Variants in PTP4A3 observed in about 807,000 individuals in gnomAD.
PTP4A3 encodes protein tyrosine phosphatase 4A3.
In PTP4A3, 9 loss-of-function variants were observed where a neutral mutation model predicts 15.2. That is an observed-to-expected ratio of 0.59 (90% CI 0.36 to 1.03). The LOEUF is 1.03. PTP4A3 is among the 50% of genes least tolerant of loss of function. The pLI, the probability that PTP4A3 is intolerant of heterozygous loss-of-function variation, is 0.02. For synonymous variants in PTP4A3, 95 were observed against 102.0 expected (o/e 0.93, Z 0.41); for missense variants, 234 against 252.1 (o/e 0.93, Z 0.49).
chr8:141,403,806 G>T (rs867182948), intron 1 of PTP4A3, among the ~76,000 whole-genome samples: 1 of 152,256 alleles, frequency 6.6e-6, no homozygotes, highest in Non-Finnish European at 1.5e-5. Context: ...CTGCCACCAC[G>T]CACTTCAAAA....
At chr8:141,430,660 T>TG (rs1563743566) in intron 5 of PTP4A3, among the ~76,000 whole-genome samples, 1 of 152,070 alleles carries the variant, frequency 6.6e-6, no homozygotes, top group African/African-American at 2.4e-5. Context: ...TAGGGAAGCC[T>TG]GGGGGCCGTA....
At chr8:141,428,550 C>T (rs1322312785) in intron 5 of PTP4A3, among the ~76,000 whole-genome samples, 1 of 152,228 alleles carries the variant, frequency 6.6e-6, no homozygotes, top group East Asian at 1.9e-4. Context: ...GGGGCCATCT[C>T]TTCCTCCCAG....
At chr8:141,405,641 T>C (rs753077031) in intron 1 of PTP4A3, among the ~76,000 whole-genome samples, 2 of 152,172 alleles carry the variant, frequency 1.3e-5, no homozygotes, top group African/African-American at 4.8e-5. Flanking sequence ...ACGGTGCCCA[T>C]TGAGAACCAG....
At position 141,410,561 on chromosome 8, in the gene PTP4A3, G is replaced by A. The variant is rs183488895; in HGVS notation, c.-853-10827G>A. On this transcript the variant is annotated intron_variant, in intron 1 of 5. Transcript: ENST00000521578. ...GTGCCAGTGTTCCAGGGACTCAAGC[G>A]AGGCCTCTTGGAAAGGGTAATAATG... is the stretch of plus-strand genomic sequence containing the variant. Among the ~76,000 whole-genome samples, 41 of 152,352 alleles carry A rather than the reference G, an allele frequency of 2.7e-4. No individual in the cohort carries two copies. In the East Asian group the frequency reaches 6.2e-3, roughly 23 times the overall value.
chr8:141,412,046 C>T (rs1398764921), intron 1 of PTP4A3, among the ~76,000 whole-genome samples: 1 of 151,746 alleles, frequency 6.6e-6, no homozygotes, highest in Non-Finnish European at 1.5e-5. Context: ...CCACGCGAGG[C>T]CACTACACAG....
intron 1 of PTP4A3, among the ~76,000 whole-genome samples, chr8:141,402,904 C>T (rs181219415): frequency 3.9e-5 from 6 of 152,116 alleles, no homozygotes; most frequent in African/African-American, 2.4e-5. Flanking sequence ...CAGGTGCCTG[C>T]GGGCAGCCCG....
In PTP4A3 at chr8:141,431,226, C is replaced by T. The variant is rs1159722971; in HGVS notation, c.*182C>T. The T allele has an allele frequency of 4.9e-6, 3 of 612,214 alleles. No homozygotes were observed. Among genetic ancestry groups the T allele is most frequent in the East Asian group, 5.6e-5 (2 of 35,980 alleles). The allele number at this position is 612,214 out of a possible 1,614,324, so 37.9% of individuals were successfully genotyped here. A position where few individuals can be genotyped will look rare whatever the true frequency, so the allele number is the denominator to read the frequency against. On this transcript the variant is annotated 3_prime_UTR_variant, in exon 6 of 6. Coordinates refer to ENST00000521578, the MANE Select transcript of PTP4A3 (RefSeq NM_032611.3). ...TCCGAGGAGCGAGGAGCCCCTCGGG[C>T]CCTGGGTGGCCTCTGGGCCCTTTCT...
Position 141,427,494 on chromosome 8 carries a change from G to A in PTP4A3, c.330-256G>A, listed in dbSNP as rs572689996. 7.9e-5 allele frequency among the ~76,000 whole-genome samples: 12 copies of A among 152,282 alleles called. No homozygotes were observed. The East Asian group carries it at 1.7e-3, about 22-fold the overall frequency. ...CAGAGTTGATAGCAGGCATGGATCCGGCTCTTAGCACTTCACCCGCCAGCT... is the reference window on the plus strand; with the variant it reads ...CAGAGTTGATAGCAGGCATGGATCCAGCTCTTAGCACTTCACCCGCCAGCT... On this transcript the variant is annotated intron_variant, in intron 4 of 5. Transcript: ENST00000521578.
chr8:141,423,573 A>T (rs754289884), intron 2 of PTP4A3, among the ~76,000 whole-genome samples: 1 of 134,662 alleles, frequency 7.4e-6, no homozygotes, highest in Non-Finnish European at 1.6e-5. Context: ...TATGTGACCA[A>T]GGTTGGGACT....
Position 141,431,679 on chromosome 8 carries a change from C to A in PTP4A3, c.*635C>A, listed in dbSNP as rs1444326754. Reference sequence around the variant, plus strand: ...GCCGCTCTGGGTCCTTGCACCCCGACCCAGGGGCCAGCCTGCCCTGTCCTG... The same window carrying A: ...GCCGCTCTGGGTCCTTGCACCCCGAACCAGGGGCCAGCCTGCCCTGTCCTG... On this transcript the variant is annotated 3_prime_UTR_variant, in exon 6 of 6. Transcript: ENST00000521578. The A allele has an allele frequency of 6.6e-6, 1 of 152,542 alleles. No homozygotes were observed. The highest frequency in any genetic ancestry group is 1.9e-4 in the East Asian group (1 of 5,184). 9.4% of individuals were successfully genotyped at this position (152,542 alleles called of 1,614,324 possible). A position where few individuals can be genotyped will look rare whatever the true frequency, so the allele number is the denominator to read the frequency against.
chr8:141,422,870 C>G (rs1013924413), intron 2 of PTP4A3, among the ~76,000 whole-genome samples: 1 of 152,210 alleles, frequency 6.6e-6, no homozygotes, highest in Non-Finnish European at 1.5e-5. Context: ...AGCAGAGATA[C>G]CTGCCGCTGG....
rs1464172585 is a variant in PTP4A3 at position 141,426,458 on chromosome 8, T to C, written c.199-481T>C. On this transcript the variant is annotated intron_variant, in intron 3 of 5. Coordinates refer to ENST00000521578, the MANE Select transcript of PTP4A3 (RefSeq NM_032611.3). ...TGGGCCCTGTCTCGCCCCACAGCCCTGTCTTCAGTCCTTCCTGGCACCTGG... is the reference window on the plus strand; with the variant it reads ...TGGGCCCTGTCTCGCCCCACAGCCCCGTCTTCAGTCCTTCCTGGCACCTGG... 13 of 985,344 alleles carry C rather than the reference T, an allele frequency of 1.3e-5. No homozygotes were observed. In the South Asian group the frequency reaches 5.6e-4, roughly 43 times the overall value. The allele number at this position is 985,344 out of a possible 1,614,324, so 61.0% of individuals were successfully genotyped here. A position where few individuals can be genotyped will look rare whatever the true frequency, so the allele number is the denominator to read the frequency against.
At position 141,406,941 on chromosome 8, in the gene PTP4A3, C is replaced by T. The variant is rs1832744132; in HGVS notation, c.-853-14447C>T. On this transcript the variant is annotated intron_variant, in intron 1 of 5. Coordinates refer to ENST00000521578, the MANE Select transcript of PTP4A3 (RefSeq NM_032611.3). This position sits in a 1 kb window ranked among gnomAD's most constrained non-coding sequence, Gnocchi z 4.5. Reference sequence around the variant, plus strand: ...AATGCGCTCAGAAATCTTTCCTGTCCTCTAGGGCCCATCTCTGATGCCACC... The same window carrying T: ...AATGCGCTCAGAAATCTTTCCTGTCTTCTAGGGCCCATCTCTGATGCCACC... 6.6e-6 allele frequency among the ~76,000 whole-genome samples: 1 copy of T among 152,212 alleles called. No homozygotes were observed. Among genetic ancestry groups the T allele is most frequent in the Non-Finnish European group, 1.5e-5 (1 of 68,028 alleles).
At chr8:141,420,533 C>A (rs923742269) in intron 1 of PTP4A3, among the ~76,000 whole-genome samples, 2 of 152,198 alleles carry the variant, frequency 1.3e-5, no homozygotes, top group Admixed American at 1.3e-4. Context: ...TGTGGCCCCC[C>A]CTGCCGCCTC....
chr8:141,420,843 C>T (rs1280629173), intron 1 of PTP4A3, among the ~76,000 whole-genome samples: 1 of 152,094 alleles, frequency 6.6e-6, no homozygotes, highest in Non-Finnish European at 1.5e-5. Context: ...AGGCCCCTCA[C>T]CTCCCTGTGC....
intron 1 of PTP4A3, among the ~76,000 whole-genome samples, chr8:141,415,584 C>T (rs1277030958): frequency 7.1e-6 from 1 of 140,942 alleles, no homozygotes; most frequent in Non-Finnish European, 1.6e-5. Flanking sequence ...CCCCGCCTCC[C>T]ACATGACTCC....
In PTP4A3 at chr8:141,427,777, T is replaced by A. The variant is rs1268512915; in HGVS notation, c.357T>A (p.Leu119=). Residue 119 remains leucine, a synonymous_variant, in exon 5 of 6, where the codon CTT becomes CTA. Coordinates refer to ENST00000521578, the MANE Select transcript of PTP4A3 (RefSeq NM_032611.3). ...GRAPVLVALA[L]IESGMKYEDA... ...CTCCAGTCCTTGTGGCGCTGGCCCT[T>A]ATTGAGAGCGGGATGAAGTACGAGG... The A allele has an allele frequency of 6.4e-7, 1 of 1,551,690 alleles. No homozygotes were observed. The highest frequency in any genetic ancestry group is 8.7e-7 in the Non-Finnish European group (1 of 1,147,626).
intron 1 of PTP4A3, among the ~76,000 whole-genome samples, chr8:141,404,210 T>G (rs920471596): frequency 1.2e-4 from 19 of 152,280 alleles, no homozygotes; most frequent in Admixed American, 1.3e-4. Flanking sequence ...GCGATTTTTT[T>G]TTCTCGTCAG....
intron 1 of PTP4A3, among the ~76,000 whole-genome samples, chr8:141,405,729 C>A (rs572488316): frequency 1.3e-5 from 2 of 150,846 alleles, no homozygotes; most frequent in East Asian, 3.9e-4. Context: ...AGAAGGGGGA[C>A]AGATGATCCC....
Sources: allele counts gnomAD v4.1 joint callset (sites outside exome capture counted in the v4.1 genomes callset), GRCh38; gene constraint gnomAD v4.1.1; non-coding constraint Gnocchi (gnomAD v3.1); transcripts MANE v1.5; gene names NCBI Gene and HGNC (gene_info 2026-07-23, HGNC 2026-07-21).